The following PROM1 variants were observed in gnomAD, a reference collection of about 807,000 sequenced individuals.
The protein encoded by PROM1 is prominin-1.
A neutral mutation model predicts 116.9 loss-of-function variants in PROM1; 105 were observed. That is an observed-to-expected ratio of 0.90 (90% confidence interval 0.77 to 1.06). The LOEUF is 1.06. Ranked by LOEUF, PROM1 falls within the 50% of genes least tolerant of loss-of-function variation. PROM1 has a pLI of 0.00. For missense variants in PROM1, 1,122 were observed against 1,045.2 expected, an observed-to-expected ratio of 1.07 and a Z score of -1.01; for synonymous variants, 393 against 387.0, an observed-to-expected ratio of 1.02 and a Z score of -0.18.
chr4:16,058,538 T>C (rs1267436468), intron 2 of PROM1, among the ~76,000 whole-genome samples: 4 of 151,454 alleles, frequency 2.6e-5, no homozygotes, highest in Admixed American at 2.0e-4. Flanking sequence ...TCCCAGCTAC[T>C]GAGGAGGCTG....
rs1351308687 is a variant in PROM1, at chr4:16,000,542, A to G, written c.1532T>C (p.Val511Ala). The G allele has an allele frequency of 6.3e-7, 1 of 1,595,282 alleles. No individual in the cohort carries two copies. Among genetic ancestry groups the G allele is most frequent in the Non-Finnish European group, 8.6e-7 (1 of 1,163,282 alleles). ...GTAAGGTTCACAGATCAGTTTTTCCACATTTGCACCAAAGACAAAGGTAAG... is the reference window on the plus strand; with the variant it reads ...GTAAGGTTCACAGATCAGTTTTTCCGCATTTGCACCAAAGACAAAGGTAAG... ...VVLTFVFGAN[V>A]EKLICEPYTS... is the part of the protein sequence containing the mutation. The change falls in exon 14 of 28, where the codon GTG becomes GCG. Residue 511 changes from valine to alanine, a missense_variant. Coordinates refer to ENST00000447510, the MANE Select transcript of PROM1 (RefSeq NM_006017.3).
chr4:16,069,421 C>G (rs1742309022), intron 2 of PROM1, among the ~76,000 whole-genome samples: 1 of 152,230 alleles, frequency 6.6e-6, no homozygotes, highest in Non-Finnish European at 1.5e-5. Context: ...ACTCATCATC[C>G]ACATCAGACA....
intron 2 of PROM1, among the ~76,000 whole-genome samples, chr4:16,050,205 G>A (rs1185591126): frequency 1.3e-5 from 2 of 151,458 alleles, no homozygotes; most frequent in Non-Finnish European, 2.9e-5. Flanking sequence ...AGGTTGCAGT[G>A]AGCCGAGATC....
Position 15,989,813 on chromosome 4 carries a change from A to G in PROM1, c.1995T>C (p.Asn665=), listed in dbSNP as rs750885395. 8 of 1,604,470 alleles carry G rather than the reference A, an allele frequency of 5.0e-6. No individual in the cohort carries two copies. The South Asian group carries it at 6.7e-5, about 13-fold the overall frequency. Residue 665 remains asparagine, a synonymous_variant, in exon 19 of 28, where the codon AAT becomes AAC. Transcript: ENST00000447510. ...CATCTCTTTTCAGGGAGTTCCTCAA[A>G]TTTCCTGGGGGCTACAAAAAGAATA... ...EAKANSLPPG[N]LRNSLKRDAQ...
chr4:16,009,150 A>T (rs1346714631), intron 11 of PROM1, 42 bp from the exon 12 acceptor site: 3 of 1,564,692 alleles, frequency 1.9e-6, no homozygotes, highest in Middle Eastern at 2.1e-4. Flanking sequence ...GCAAACATGG[A>T]GGAAATAGAA....
At chr4:16,044,013 T>C (rs1285703961) in intron 2 of PROM1, among the ~76,000 whole-genome samples, 2 of 152,196 alleles carry the variant, frequency 1.3e-5, no homozygotes, top group Non-Finnish European at 2.9e-5. Flanking sequence ...TCTCTTGCAG[T>C]TTCTCACTAC....
chr4:15,974,961 C>T lies in PROM1; in HGVS notation c.2583-3879G>A, dbSNP rs1467145848. On this transcript the variant is annotated intron_variant, in intron 26 of 27. Coordinates refer to ENST00000447510, the MANE Select transcript of PROM1 (RefSeq NM_006017.3). ...TTGTACAGAAGGTATCATGAGGTGT[C>T]GGCTAATATCCAGAGCCCAGTTGGT... is the stretch of plus-strand genomic sequence containing the variant. Among the ~76,000 whole-genome samples, 3 of 152,162 alleles carry T rather than the reference C, an allele frequency of 2.0e-5. No individual in the cohort carries two copies. In the South Asian group the frequency reaches 6.2e-4, roughly 32 times the overall value.
chr4:16,042,656 A>G (rs773926483), intron 2 of PROM1, among the ~76,000 whole-genome samples: 3 of 152,246 alleles, frequency 2.0e-5, no homozygotes, highest in Non-Finnish European at 2.9e-5. Context: ...AGATCAAACT[A>G]TAAAAAATTA....
At chr4:15,973,941 G>T (rs1161814676) in intron 26 of PROM1, among the ~76,000 whole-genome samples, 1 of 152,100 alleles carries the variant, frequency 6.6e-6, no homozygotes, top group African/African-American at 2.4e-5. Context: ...AGGCAGGGTG[G>T]TCATCCTGCC....
intron 10 of PROM1, among the ~76,000 whole-genome samples, chr4:16,013,648 T>C (rs1485058254): frequency 1.3e-5 from 2 of 152,188 alleles, no homozygotes; most frequent in East Asian, 3.9e-4. Context: ...ATACCAGTGG[T>C]TCTCAACTGG....
At chr4:16,043,751 C>G (rs1246786662) in intron 2 of PROM1, among the ~76,000 whole-genome samples, 1 of 152,144 alleles carries the variant, frequency 6.6e-6, no homozygotes, top group Non-Finnish European at 1.5e-5. Context: ...ACAGGTTGCC[C>G]CATGACGCTG....
Position 15,993,085 on chromosome 4 carries a change from T to C in PROM1, c.1768-694A>G, listed in dbSNP as rs540225564. On this transcript the variant is annotated intron_variant, in intron 16 of 27. Coordinates refer to ENST00000447510, the MANE Select transcript of PROM1 (RefSeq NM_006017.3). ...TACAAAATTATGTCTGTTTAATGTA[T>C]ATGTATGGACTATTTAGGGAAGATA... 2.6e-5 allele frequency among the ~76,000 whole-genome samples: 4 copies of C among 152,342 alleles called. No individual in the cohort carries two copies. In the East Asian group the frequency reaches 7.7e-4, roughly 29 times the overall value.
chr4:15,975,954 C>G (rs1391676003), intron 26 of PROM1, among the ~76,000 whole-genome samples: 1 of 152,212 alleles, frequency 6.6e-6, no homozygotes, highest in Non-Finnish European at 1.5e-5. Context: ...TGGAGTTCTA[C>G]TATAGAACAC....
At chr4:16,024,734 A>G (rs1327905779) in intron 6 of PROM1, among the ~76,000 whole-genome samples, 1 of 151,958 alleles carries the variant, frequency 6.6e-6, no homozygotes, top group African/African-American at 2.4e-5. Context: ...TGTGATAGAG[A>G]CTGCTTGTGT....
At chr4:16,056,059 G>A (rs984513325) in intron 2 of PROM1, among the ~76,000 whole-genome samples, 2 of 152,150 alleles carry the variant, frequency 1.3e-5, no homozygotes, top group Non-Finnish European at 2.9e-5. Flanking sequence ...AGAAGAGGAC[G>A]TGTGCAAGCA....
At chr4:16,036,660 G>A in intron 3 of PROM1, among the ~76,000 whole-genome samples, 1 of 152,152 alleles carries the variant, frequency 6.6e-6, no homozygotes, top group South Asian at 2.1e-4. Flanking sequence ...GAAGATATGG[G>A]TAAGACCAGG....
At chr4:15,977,423 G>A (rs1009487270) in intron 26 of PROM1, among the ~76,000 whole-genome samples, 1 of 152,006 alleles carries the variant, frequency 6.6e-6, no homozygotes, top group Non-Finnish European at 1.5e-5. Context: ...ATGCTACACC[G>A]CAAAAAGGAA....
At position 16,046,198 on chromosome 4, in the gene PROM1, T is replaced by A. The variant is rs146145390; in HGVS notation, c.221-7197A>T. Among the ~76,000 whole-genome samples the A allele has an allele frequency of 3.9e-5, 6 of 152,172 alleles. No individual in the cohort carries two copies. In the East Asian group the frequency reaches 9.6e-4, roughly 24 times the overall value. On this transcript the variant is annotated intron_variant, in intron 2 of 27. Coordinates refer to ENST00000447510, the MANE Select transcript of PROM1 (RefSeq NM_006017.3). ...TGCCCTTTCTGGAGGAGAATGCAGA[T>A]TTAACTCAAGAGGCAGAGCCAGTTG...
rs1735704804 is a variant in PROM1, at chr4:16,043,053, T to C, written c.221-4052A>G. On this transcript the variant is annotated intron_variant, in intron 2 of 27. Transcript: ENST00000447510. ...TTATTATCGTTCTTTTTAAATGAAT[T>C]GACAAATATATGTTAAGGTGTTCTC... 2.6e-5 allele frequency among the ~76,000 whole-genome samples: 4 copies of C among 152,230 alleles called. No individual in the cohort carries two copies. The South Asian group carries it at 8.3e-4, about 31-fold the overall frequency.
Sources: allele counts gnomAD v4.1 joint callset (sites outside exome capture counted in the v4.1 genomes callset), GRCh38; gene constraint gnomAD v4.1.1; transcripts MANE v1.5; gene names NCBI Gene and HGNC (gene_info 2026-07-23, HGNC 2026-07-21).